The following WWOX variants were observed in gnomAD, a reference collection of about 807,000 sequenced individuals.
The protein encoded by WWOX is WW domain-containing oxidoreductase.
A neutral mutation model predicts 46.2 loss-of-function variants in WWOX; 69 were observed. The observed-to-expected ratio is 1.49, with a 90% CI of 1.23 to 1.82. The LOEUF (loss-of-function observed/expected upper bound fraction) is 1.82. Among genes scored for constraint, WWOX ranks in the 40% most tolerant of loss-of-function variants. The pLI, the probability that WWOX is intolerant of heterozygous loss-of-function variation, is 0.00. For synonymous variants in WWOX, 359 were observed against 202.6 expected (o/e 1.77, Z -6.56); for missense variants, 919 against 542.6 (o/e 1.69, Z -6.89).
In WWOX at chr16:78,837,493, G is replaced by A. The variant is rs571189377; in HGVS notation, c.1057-374115G>A. On this transcript the variant is annotated intron_variant, in intron 8 of 8. Transcript: ENST00000566780. Reference sequence around the variant, plus strand: ...TGTCACTTATAAGGCTTGTTCAAAGGCCTTTGACATCACTCAAAGCCTGAA... The same window carrying A: ...TGTCACTTATAAGGCTTGTTCAAAGACCTTTGACATCACTCAAAGCCTGAA... 5.3e-5 allele frequency among the ~76,000 whole-genome samples: 8 copies of A among 152,268 alleles called. No homozygotes were observed. The South Asian group carries it at 1.7e-3, about 32-fold the overall frequency.
At chr16:78,891,376 A>T (rs2044587242) in intron 8 of WWOX, 1 of 152,298 alleles carries the variant, frequency 6.6e-6, no homozygotes, top group Admixed American at 6.5e-5. Context: ...AGTTATTTTT[A>T]TAATGAGTTC....
intron 8 of WWOX, among the ~76,000 whole-genome samples, chr16:78,498,251 C>T (rs2084968939): frequency 6.6e-6 from 1 of 150,430 alleles, no homozygotes; most frequent in Non-Finnish European, 1.5e-5. Context: ...CACCATGAAG[C>T]AGGAGGAGAA....
chr16:78,723,512 A>C lies in WWOX; in HGVS notation c.1056+290760A>C, dbSNP rs1479777739. On this transcript the variant is annotated intron_variant, in intron 8 of 8. Transcript: ENST00000566780. Reference sequence around the variant, plus strand: ...TCTCTTTCCAGCCTCATCTTCTACTACCTTCTTCTACTCCCACACTTCTTC... The same window carrying C: ...TCTCTTTCCAGCCTCATCTTCTACTCCCTTCTTCTACTCCCACACTTCTTC... Among the ~76,000 whole-genome samples, 5 of 108,232 alleles carry C rather than the reference A, an allele frequency of 4.6e-5. No homozygotes were observed. In the South Asian group the frequency reaches 1.4e-3, roughly 30 times the overall value. 71.0% of individuals were successfully genotyped at this position (108,232 alleles called of 152,430 possible).
chr16:78,195,344 G>A (rs139018748), intron 5 of WWOX, among the ~76,000 whole-genome samples: 15 of 152,276 alleles, frequency 9.9e-5, no homozygotes, highest in Admixed American at 4.6e-4. Context: ...GAGGGAGGGA[G>A]ATGTGACTTT....
chr16:78,443,841 C>A (rs560745538), intron 8 of WWOX, among the ~76,000 whole-genome samples: 4 of 152,078 alleles, frequency 2.6e-5, no homozygotes, highest in African/African-American at 9.7e-5. Flanking sequence ...TCCCCTCTTT[C>A]AGTTTCCTTT....
In WWOX at chr16:78,321,317, T is replaced by C. The variant is rs565517510; in HGVS notation, c.517-65543T>C. On this transcript the variant is annotated intron_variant, in intron 5 of 8. Coordinates refer to ENST00000566780, the MANE Select transcript of WWOX (RefSeq NM_016373.4). Reference sequence around the variant, plus strand: ...GTATATATATACGTATATATATGCGTATATATATACGTATATATGCGTATA... The same window carrying C: ...GTATATATATACGTATATATATGCGCATATATATACGTATATATGCGTATA... Among the ~76,000 whole-genome samples the C allele has an allele frequency of 1.4e-3, 130 of 92,496 alleles. 5 individuals are homozygous for C. Among genetic ancestry groups the C allele is most frequent in the African/African-American group, 6.5e-3 (126 of 19,318 alleles). The allele number at this position is 92,496 out of a possible 152,430, so 60.7% of individuals were successfully genotyped here.
chr16:78,868,545 A>G (rs900746635), intron 8 of WWOX, among the ~76,000 whole-genome samples: 3 of 152,254 alleles, frequency 2.0e-5, no homozygotes, highest in African/African-American at 7.2e-5. Context: ...TAATAAAGTC[A>G]TAAAAAATGA....
intron 8 of WWOX, among the ~76,000 whole-genome samples, chr16:78,580,333 C>G (rs1160110694): frequency 6.6e-6 from 1 of 152,160 alleles, no homozygotes; most frequent in Non-Finnish European, 1.5e-5. Context: ...CTCGGCCTCC[C>G]AAAGTATTGG....
chr16:78,532,583 G>C (rs72803919), intron 8 of WWOX, among the ~76,000 whole-genome samples: 8,275 of 152,250 alleles, frequency 0.054, 297 homozygotes, highest in Non-Finnish European at 0.08. Context: ...TACTGATAAA[G>C]GCATACCCAA....
Position 78,981,582 on chromosome 16 carries a change from C to T in WWOX, c.1057-230026C>T, listed in dbSNP as rs77071612. 8.4e-3 allele frequency: 1,278 copies of T among 152,278 alleles called. 53 individuals carry two copies. Among genetic ancestry groups the T allele is most frequent in the East Asian group, 0.071 (364 of 5,162 alleles). The allele number at this position is 152,278 out of a possible 1,614,324, so 9.4% of individuals were successfully genotyped here. A position where few individuals can be genotyped will look rare whatever the true frequency, so the allele number is the denominator to read the frequency against. On this transcript the variant is annotated intron_variant, in intron 8 of 8. Transcript: ENST00000566780. ...CCTCCCAAGTAGCTGGGAGTAAAGG[C>T]ACATGCCACCATGCCCAGCTAATTT...
intron 8 of WWOX, among the ~76,000 whole-genome samples, chr16:79,099,639 T>C (rs2049151809): frequency 6.6e-6 from 1 of 152,018 alleles, no homozygotes; most frequent in African/African-American, 2.4e-5. Flanking sequence ...GAGTTTTAAA[T>C]ATTGGCAACT....
At chr16:78,603,481 G>T (rs1005547679) in intron 8 of WWOX, among the ~76,000 whole-genome samples, 1 of 152,170 alleles carries the variant, frequency 6.6e-6, no homozygotes, top group South Asian at 2.1e-4. Context: ...GATTACTTGA[G>T]GCCAGGAGTT....
At position 78,923,794 on chromosome 16, in the gene WWOX, G is replaced by GTTTTTTTTTTTT. The variant is rs56852814; in HGVS notation, c.1057-287802_1057-287791dup. Among the ~76,000 whole-genome samples the GTTTTTTTTTTTT allele has an allele frequency of 8.8e-5, 9 of 102,156 alleles. 1 individual carries two copies. The highest frequency in any genetic ancestry group is 1.8e-4 in the African/African-American group (4 of 22,008). 67.0% of individuals were successfully genotyped at this position (102,156 alleles called of 152,430 possible). A position where few individuals can be genotyped will look rare whatever the true frequency, so the allele number is the denominator to read the frequency against. On this transcript the variant is annotated intron_variant, in intron 8 of 8. Coordinates refer to ENST00000566780, the MANE Select transcript of WWOX (RefSeq NM_016373.4). ...GATTGCTAGGAACTGTTTTTAGTTA[G>GTTTTTTTTTTTT]TTTTTTTTTTTTTTTTTTTTTTTCA...
chr16:79,131,747 T>G (rs922462836), intron 8 of WWOX, among the ~76,000 whole-genome samples: 1 of 152,182 alleles, frequency 6.6e-6, no homozygotes, highest in Non-Finnish European at 1.5e-5. Context: ...ACTCCTTGTA[T>G]TAGTCCATTT....
chr16:79,056,027 T>C (rs1430549237), intron 8 of WWOX, among the ~76,000 whole-genome samples: 1 of 152,142 alleles, frequency 6.6e-6, no homozygotes, highest in African/African-American at 2.4e-5. Flanking sequence ...TTCCATGAAA[T>C]AGAAGGCTTT....
chr16:78,943,107 A>T (rs1286921708), intron 8 of WWOX, among the ~76,000 whole-genome samples: 2 of 152,336 alleles, frequency 1.3e-5, no homozygotes, highest in East Asian at 1.9e-4. Context: ...ATAAAGTTTT[A>T]GCTAGACAGC....
chr16:78,635,697 G>A (rs940291925), intron 8 of WWOX, among the ~76,000 whole-genome samples: 7 of 152,118 alleles, frequency 4.6e-5, no homozygotes, highest in Non-Finnish European at 7.3e-5. Flanking sequence ...ACTACTTAGC[G>A]CTGTCAACAT....
intron 4 of WWOX, among the ~76,000 whole-genome samples, chr16:78,156,804 A>C (rs2034622079): frequency 6.6e-6 from 1 of 152,154 alleles, no homozygotes; most frequent in South Asian, 2.1e-4. Flanking sequence ...CGCGCCTGTA[A>C]TCCCAGTTGC....
At position 78,650,069 on chromosome 16, in the gene WWOX, G is replaced by T. The variant is rs2046932342; in HGVS notation, c.1056+217317G>T. ...CTTTATCTGTGTAACTGTCGTAGCA[G>T]CTAGAGGCTAGTAGGACTGGCTGAA... On this transcript the variant is annotated intron_variant, in intron 8 of 8. Transcript: ENST00000566780. 2.0e-5 allele frequency among the ~76,000 whole-genome samples: 3 copies of T among 152,184 alleles called. No individual in the cohort carries two copies. The South Asian group carries it at 6.2e-4, about 32-fold the overall frequency.
Sources: gnomAD v4.1 joint callset for allele counts (sites outside exome capture counted in the v4.1 genomes callset) on GRCh38, gnomAD v4.1.1 for gene constraint, MANE v1.5 for transcripts, NCBI Gene and HGNC (gene_info 2026-07-23, HGNC 2026-07-21) for gene names.